CCSER1: variants seen among roughly 807,000 people sequenced by gnomAD.
CCSER1 encodes serine-rich coiled-coil domain-containing protein 1.
Under a neutral mutation model 82.0 loss-of-function variants are expected in CCSER1, and 41 were observed. That is an observed-to-expected ratio of 0.50 (90% confidence interval 0.39 to 0.65). The LOEUF (loss-of-function observed/expected upper bound fraction) is 0.65, where lower values mean the gene tolerates loss of function less well. CCSER1 is among the 30% of genes least tolerant of loss of function. The pLI is 0.00. For synonymous variants in CCSER1, 414 were observed against 383.9 expected (o/e 1.08, Z -0.92); for missense variants, 1,119 against 1,064.2 (o/e 1.05, Z -0.72).
At chr4:91,038,877 A>C (rs1322103411) in intron 9 of CCSER1, among the ~76,000 whole-genome samples, 1 of 152,188 alleles carries the variant, frequency 6.6e-6, no homozygotes, top group East Asian at 1.9e-4. Context: ...GAAAGAGGAC[A>C]CAGTAAAACT....
intron 10 of CCSER1, among the ~76,000 whole-genome samples, chr4:91,087,681 G>A (rs560714652): frequency 6.6e-6 from 1 of 152,186 alleles, no homozygotes; most frequent in African/African-American, 2.4e-5. Flanking sequence ...ATTGTAAAAA[G>A]CTAAGATCAT....
intron 1 of CCSER1, among the ~76,000 whole-genome samples, chr4:90,188,692 G>A (rs777016487): frequency 5.9e-5 from 9 of 151,948 alleles, no homozygotes; most frequent in Admixed American, 2.0e-4. Context: ...CTTAGCAGGC[G>A]CATCTAGAAT....
At chr4:90,633,335 G>GT (rs939609270) in intron 6 of CCSER1, among the ~76,000 whole-genome samples, 3 of 151,814 alleles carry the variant, frequency 2.0e-5, no homozygotes, top group Admixed American at 6.6e-5. Flanking sequence ...TGTACAATAT[G>GT]TTTTTTTCTC....
chr4:90,314,454 G>A (rs555922418), intron 3 of CCSER1, among the ~76,000 whole-genome samples: 2 of 152,156 alleles, frequency 1.3e-5, no homozygotes, highest in East Asian at 3.9e-4. Flanking sequence ...TATATTAATA[G>A]GGTTACACTA....
intron 3 of CCSER1, among the ~76,000 whole-genome samples, chr4:90,362,127 T>A (rs1745488450): frequency 6.6e-6 from 1 of 152,202 alleles, no homozygotes; most frequent in South Asian, 2.1e-4. Context: ...TGGTTATTAT[T>A]GTTGCCATGA....
intron 1 of CCSER1, among the ~76,000 whole-genome samples, chr4:90,249,604 T>G (rs1722033018): frequency 6.6e-6 from 1 of 152,208 alleles, no homozygotes; most frequent in Non-Finnish European, 1.5e-5. Flanking sequence ...TGTGGTCTTT[T>G]GTGACTGGCT....
At chr4:91,316,646 A>C (rs1745854363) in intron 10 of CCSER1, among the ~76,000 whole-genome samples, 3 of 151,922 alleles carry the variant, frequency 2.0e-5, no homozygotes, top group Non-Finnish European at 4.4e-5. Context: ...TTCTAATTCT[A>C]TTGCTACTTG....
At chr4:91,014,105 AT>A (rs1739228537) in intron 9 of CCSER1, among the ~76,000 whole-genome samples, 1 of 133,236 alleles carries the variant, frequency 7.5e-6, no homozygotes, top group Admixed American at 7.5e-5. Flanking sequence ...GAAGAGTGAG[AT>A]TTTTAGGAAA....
intron 5 of CCSER1, among the ~76,000 whole-genome samples, chr4:90,601,221 GT>G (rs996560895): frequency 1.3e-5 from 2 of 151,724 alleles, no homozygotes; most frequent in Admixed American, 1.3e-4. Context: ...AGACATCCCT[GT>G]TTTTTTCTTT....
chr4:91,261,558 T>G (rs1741131756), intron 10 of CCSER1, among the ~76,000 whole-genome samples: 1 of 152,184 alleles, frequency 6.6e-6, no homozygotes, highest in East Asian at 1.9e-4. Flanking sequence ...TCGAGCAAAC[T>G]ATTCAATATT....
At chr4:91,070,674 C>T (rs1476832650) in intron 9 of CCSER1, among the ~76,000 whole-genome samples, 3 of 152,130 alleles carry the variant, frequency 2.0e-5, no homozygotes, top group Non-Finnish European at 4.4e-5. Context: ...CTTGGTTGGG[C>T]ACTCCTTATG....
intron 10 of CCSER1, among the ~76,000 whole-genome samples, chr4:91,455,851 T>G (rs1268455731): frequency 1.3e-5 from 2 of 152,054 alleles, no homozygotes; most frequent in African/African-American, 4.8e-5. Context: ...AAGTTGTATA[T>G]GCACAGGAAT....
In CCSER1 at chr4:90,184,104, A is replaced by G. The variant is rs950684391; in HGVS notation, c.-42+56273A>G. Among the ~76,000 whole-genome samples the G allele has an allele frequency of 2.0e-4, 31 of 152,240 alleles. No individual in the cohort carries two copies. The Middle Eastern group carries it at 0.01, about 50-fold the overall frequency. On this transcript the variant is annotated intron_variant, in intron 1 of 10. Transcript: ENST00000509176. ...CACCTAGGGGAGGAGATTCTGTTAA[A>G]TTGTGAATATATGTCTTGAAACCTG...
At chr4:90,151,629 T>C (rs1726867255) in intron 1 of CCSER1, among the ~76,000 whole-genome samples, 1 of 152,144 alleles carries the variant, frequency 6.6e-6, no homozygotes, top group South Asian at 2.1e-4. Context: ...AGAAAACTAA[T>C]GATACAAAGA....
intron 10 of CCSER1, among the ~76,000 whole-genome samples, chr4:91,206,991 T>A (rs1244618389): frequency 6.6e-6 from 1 of 151,814 alleles, no homozygotes; most frequent in African/African-American, 2.4e-5. Context: ...GCTGTCTCTG[T>A]CCAGAAAGGA....
At chr4:91,408,140 G>A (rs1752811682) in intron 10 of CCSER1, among the ~76,000 whole-genome samples, 1 of 152,082 alleles carries the variant, frequency 6.6e-6, no homozygotes, top group Non-Finnish European at 1.5e-5. Context: ...GATAAAGAGA[G>A]ATGTTCATGA....
chr4:90,329,741 T>C (rs1738933759), intron 3 of CCSER1, among the ~76,000 whole-genome samples: 1 of 152,156 alleles, frequency 6.6e-6, no homozygotes, highest in African/African-American at 2.4e-5. Context: ...ATGTTATACT[T>C]TAGTTAGAAA....
At chr4:91,149,161 A>G (rs1729864917) in intron 10 of CCSER1, among the ~76,000 whole-genome samples, 1 of 152,114 alleles carries the variant, frequency 6.6e-6, no homozygotes, top group Non-Finnish European at 1.5e-5. Context: ...CTGACTTTTT[A>G]ATGATCACCA....
chr4:90,195,085 G>C (rs1448515143), intron 1 of CCSER1, among the ~76,000 whole-genome samples: 12 of 151,940 alleles, frequency 7.9e-5, no homozygotes, highest in Admixed American at 7.9e-4. Context: ...TCAATAAAAG[G>C]GAAGCTTAAA....
Sources: allele counts gnomAD v4.1 joint callset (sites outside exome capture counted in the v4.1 genomes callset), GRCh38; gene constraint gnomAD v4.1.1; transcripts MANE v1.5; gene names NCBI Gene and HGNC (gene_info 2026-07-23, HGNC 2026-07-21).